SRFBP1: variants seen among roughly 807,000 people sequenced by gnomAD.
The protein encoded by SRFBP1 is serum response factor-binding protein 1.
A neutral mutation model predicts 45.5 loss-of-function variants in SRFBP1; 47 were observed. The ratio of observed to expected loss-of-function variants is 1.03; its 90% confidence interval spans 0.82 to 1.32. The LOEUF is 1.32. Ranked by LOEUF, SRFBP1 falls within the 40% of genes most tolerant of loss-of-function variation. The pLI is 0.00. For missense variants in SRFBP1, 621 were observed against 484.6 expected (o/e 1.28, Z -2.64); for synonymous variants, 203 against 166.3 (o/e 1.22, Z -1.70).
intron 3 of SRFBP1, among the ~76,000 whole-genome samples, chr5:121,976,505 A>G (rs1328135942): frequency 6.6e-6 from 1 of 151,900 alleles, no homozygotes; most frequent in African/African-American, 2.4e-5. Context: ...GAGAAATAAA[A>G]TCTTTAGAGA....
chr5:122,001,316 A>T (rs1055724472), intron 4 of SRFBP1, among the ~76,000 whole-genome samples: 1 of 150,938 alleles, frequency 6.6e-6, no homozygotes, highest in Non-Finnish European at 1.5e-5. Context: ...CATTCAGTCG[A>T]TGTTTATGTG....
intron 1 of SRFBP1, among the ~76,000 whole-genome samples, 178 bp from the exon 2 acceptor site, chr5:121,974,017 TG>T (rs1050523893): frequency 1.8e-4 from 27 of 151,902 alleles, no homozygotes; most frequent in Admixed American, 4.6e-4. Flanking sequence ...ATTTTTAGAC[TG>T]TTGATTTATT....
intron 2 of SRFBP1, among the ~76,000 whole-genome samples, chr5:122,036,041 A>G (rs77390623): frequency 2.6e-5 from 4 of 152,212 alleles, no homozygotes; most frequent in East Asian, 3.9e-4. Flanking sequence ...GAATACAAGT[A>G]TACAGGAAGG....
chr5:121,977,765 C>G (rs180724092), intron 3 of SRFBP1, among the ~76,000 whole-genome samples: 1 of 152,144 alleles, frequency 6.6e-6, no homozygotes, highest in African/African-American at 2.4e-5. Context: ...TGCAGGATGA[C>G]TTCTTTGTGA....
intron 5 of SRFBP1, 141 bp downstream of exon 5, chr5:122,019,482 A>C (rs956416293): frequency 1.6e-5 from 10 of 636,580 alleles, no homozygotes; most frequent in Non-Finnish European, 2.5e-5. Context: ...AAGGTGTCTG[A>C]AAATACAGAA....
chr5:122,005,044 T>G (rs1752948308), intron 4 of SRFBP1, among the ~76,000 whole-genome samples: 1 of 152,188 alleles, frequency 6.6e-6, no homozygotes, highest in South Asian at 2.1e-4. Flanking sequence ...TTAAATGTGT[T>G]AGGCCTAATT....
intron 4 of SRFBP1, 56 bp from the exon 5 acceptor site, chr5:122,019,204 C>G: frequency 7.1e-7 from 1 of 1,409,660 alleles, no homozygotes; most frequent in Non-Finnish European, 1.0e-6. Flanking sequence ...TATTCACTTT[C>G]AATAGTGTCA....
chr5:122,066,870 C>T, intron 2 of SRFBP1: 1 of 661,322 alleles, frequency 1.5e-6, no homozygotes, highest in Non-Finnish European at 2.8e-6. Flanking sequence ...TCCACCTAAG[C>T]AGCAATCATG....
In SRFBP1 at chr5:122,062,702, G is replaced by T. The variant is rs1257441124; in HGVS notation, n.312-12613G>T. 1.3e-5 allele frequency among the ~76,000 whole-genome samples: 2 copies of T among 151,890 alleles called. 1 individual carries two copies. The highest frequency in any genetic ancestry group is 2.9e-5 in the Non-Finnish European group (2 of 67,886). ...CTCCTTAAGGATGAATTGTTTTTGT[G>T]GGTTAATTTTGTGAGTTGTTCCCCC... On this transcript the variant is annotated intron_variant and non_coding_transcript_variant, in intron 2 of 2. Transcript: ENST00000504881.
intron 4 of SRFBP1, among the ~76,000 whole-genome samples, chr5:121,996,487 T>G (rs1752730962): frequency 1.3e-4 from 3 of 23,386 alleles, no homozygotes; most frequent in African/African-American, 6.3e-4. Context: ...AAACTCTCAA[T>G]AAATTAGGTA....
Position 122,070,110 on chromosome 5 carries a change from C to T in SRFBP1, n.312-5205C>T, listed in dbSNP as rs749796906. On this transcript the variant is annotated intron_variant and non_coding_transcript_variant, in intron 2 of 2. Coordinates refer to the SRFBP1 transcript ENST00000504881. ...ATGTCCTGTGTAGCGAATGTCACAGCGCACAACATTGTTGGTATAGTCAGA... is the reference window on the plus strand; with the variant it reads ...ATGTCCTGTGTAGCGAATGTCACAGTGCACAACATTGTTGGTATAGTCAGA... The T allele has an allele frequency of 4.1e-5, 66 of 1,613,176 alleles. No individual in the cohort carries two copies. The highest frequency in any genetic ancestry group is 4.7e-5 in the Non-Finnish European group (55 of 1,179,406).
intron 6 of SRFBP1, among the ~76,000 whole-genome samples, chr5:122,021,481 A>C (rs1195202527): frequency 6.6e-6 from 1 of 152,216 alleles, no homozygotes; most frequent in Non-Finnish European, 1.5e-5. Flanking sequence ...ATAGTCTTTA[A>C]TGAAATAGAA....
At chr5:122,077,596 C>G (rs776823071), downstream of SRFBP1, 6 of 1,612,428 alleles carry the variant, frequency 3.7e-6, no homozygotes, top group East Asian at 2.2e-5. The surrounding 1 kb of genome is among the most constrained non-coding windows in gnomAD (Gnocchi z 4.9). Context: ...CTCTAGATGT[C>G]GAGTAGCCAG....
intron 2 of SRFBP1, among the ~76,000 whole-genome samples, chr5:122,071,347 T>A (rs1431075621): frequency 1.3e-5 from 2 of 152,026 alleles, no homozygotes; most frequent in Admixed American, 6.6e-5. Context: ...GCTAAGCTGG[T>A]TTTGAGTTTA....
chr5:122,061,983 C>T (rs1487686789), intron 2 of SRFBP1, among the ~76,000 whole-genome samples: 1 of 151,658 alleles, frequency 6.6e-6, no homozygotes, highest in Non-Finnish European at 1.5e-5. Context: ...CCAGAGTTTT[C>T]CAAGCAAAAA....
At chr5:121,982,976 G>T (rs974518435) in intron 3 of SRFBP1, among the ~76,000 whole-genome samples, 1 of 151,460 alleles carries the variant, frequency 6.6e-6, no homozygotes, top group African/African-American at 2.4e-5. Context: ...CAAAAATTTT[G>T]GACAACCAAT....
In SRFBP1 at chr5:122,028,091, T is replaced by G. The variant is rs1316631126; in HGVS notation, c.*965T>G. 1 of 152,210 alleles carries G rather than the reference T, an allele frequency of 6.6e-6. No individual in the cohort carries two copies. The highest frequency in any genetic ancestry group is 1.5e-5 in the Non-Finnish European group (1 of 68,028). The allele number at this position is 152,210 out of a possible 1,614,324, so 9.4% of individuals were successfully genotyped here. A position where few individuals can be genotyped will look rare whatever the true frequency, so the allele number is the denominator to read the frequency against. On this transcript the variant is annotated 3_prime_UTR_variant, in exon 8 of 8. Coordinates refer to ENST00000339397, the MANE Select transcript of SRFBP1 (RefSeq NM_152546.3). Reference sequence around the variant, plus strand: ...ACTCACTGAGGAAGGGACTGCTTTATACATCACAGTACTGCTATTTAAAAG... The same window carrying G: ...ACTCACTGAGGAAGGGACTGCTTTAGACATCACAGTACTGCTATTTAAAAG...
At chr5:121,986,105 A>G (rs1047834007) in intron 3 of SRFBP1, among the ~76,000 whole-genome samples, 1 of 152,040 alleles carries the variant, frequency 6.6e-6, no homozygotes, top group Non-Finnish European at 1.5e-5. Flanking sequence ...GTCCTGGTCC[A>G]TTCTTAAGTT....
At chr5:122,053,460 C>T (rs1435143524) in intron 2 of SRFBP1, among the ~76,000 whole-genome samples, 1 of 152,088 alleles carries the variant, frequency 6.6e-6, no homozygotes, top group African/African-American at 2.4e-5. Flanking sequence ...GGAAGCTGCA[C>T]CCTCCAACTG....
Sources: allele counts gnomAD v4.1 joint callset (sites outside exome capture counted in the v4.1 genomes callset), GRCh38; gene constraint gnomAD v4.1.1; non-coding constraint Gnocchi (gnomAD v3.1); transcripts MANE v1.5; gene names NCBI Gene and HGNC (gene_info 2026-07-23, HGNC 2026-07-21).